The following OPCML variants were observed in gnomAD, a reference collection of about 807,000 sequenced individuals.
OPCML encodes the protein opioid binding protein/cell adhesion molecule like.
In OPCML, 13 loss-of-function variants were observed where a neutral mutation model predicts 37.8. The ratio of observed to expected loss-of-function variants is 0.34; its 90% confidence interval spans 0.22 to 0.55. The LOEUF is 0.55. Among genes scored for constraint, OPCML ranks in the 20% least tolerant of loss-of-function variants. The pLI, the probability that OPCML is intolerant of heterozygous loss-of-function variation, is 0.91. For synonymous variants in OPCML, 176 were observed against 168.8 expected (o/e 1.04, Z -0.33); for missense variants, 341 against 435.6 (o/e 0.78, Z 1.93).
chr11:132,979,870 A>G (rs1946546307), intron 1 of OPCML, among the ~76,000 whole-genome samples: 2 of 152,150 alleles, frequency 1.3e-5, no homozygotes, highest in African/African-American at 4.8e-5. Context: ...GGGGATTATA[A>G]AGGCAGGAGG....
chr11:132,586,401 C>A (rs2096472728), intron 3 of OPCML, among the ~76,000 whole-genome samples: 1 of 152,136 alleles, frequency 6.6e-6, no homozygotes, highest in Non-Finnish European at 1.5e-5. Flanking sequence ...CAAACTTAAC[C>A]AAATAGTAAC....
intron 1 of OPCML, chr11:133,420,554 T>C: frequency 1.0e-6 from 1 of 983,672 alleles, no homozygotes; most frequent in East Asian, 1.1e-4. Flanking sequence ...GCAAACATCA[T>C]TAACATGCTA....
At chr11:133,230,166 T>C (rs751275629) in intron 1 of OPCML, among the ~76,000 whole-genome samples, 53 of 152,216 alleles carry the variant, frequency 3.5e-4, no homozygotes, top group Non-Finnish European at 8.8e-5. Flanking sequence ...TTGGTGATAC[T>C]TGTTGAATGA....
intron 1 of OPCML, among the ~76,000 whole-genome samples, chr11:133,335,476 C>A (rs748712749): frequency 6.6e-6 from 1 of 152,072 alleles, no homozygotes; most frequent in African/African-American, 2.4e-5. Context: ...ATGAAGTCAG[C>A]GCCTCTCCTG....
At chr11:132,588,987 T>C (rs1210495672) in intron 3 of OPCML, among the ~76,000 whole-genome samples, 2 of 152,210 alleles carry the variant, frequency 1.3e-5, no homozygotes, top group African/African-American at 2.4e-5. Context: ...ACCTTCATTA[T>C]GTTGAGTCTC....
chr11:133,428,362 C>T (rs781113204), intron 1 of OPCML, among the ~76,000 whole-genome samples: 4 of 152,138 alleles, frequency 2.6e-5, no homozygotes, highest in Non-Finnish European at 5.9e-5. Flanking sequence ...CCATTCAATA[C>T]TCTGCAGAAG....
chr11:132,649,487 C>G (rs1267964094), intron 3 of OPCML, among the ~76,000 whole-genome samples: 1 of 152,140 alleles, frequency 6.6e-6, no homozygotes, highest in Non-Finnish European at 1.5e-5. Flanking sequence ...TGCTCTAACC[C>G]TGAGCGCAGG....
At chr11:132,505,531 G>T (rs1246456445) in intron 4 of OPCML, among the ~76,000 whole-genome samples, 3 of 152,204 alleles carry the variant, frequency 2.0e-5, no homozygotes, top group African/African-American at 4.8e-5. Context: ...AGATGGAAAA[G>T]AATGACATAG....
intron 2 of OPCML, among the ~76,000 whole-genome samples, chr11:132,870,399 A>G (rs1402633725): frequency 1.3e-5 from 2 of 152,192 alleles, no homozygotes; most frequent in East Asian, 3.8e-4. Context: ...ACGCTTGCAC[A>G]TGGTTGGTGG....
At chr11:133,169,270 T>C (rs759701295) in intron 1 of OPCML, among the ~76,000 whole-genome samples, 17 of 152,232 alleles carry the variant, frequency 1.1e-4, no homozygotes, top group Non-Finnish European at 2.5e-4. Context: ...CATTTGAACT[T>C]AACCTGGCTG....
intron 2 of OPCML, among the ~76,000 whole-genome samples, chr11:132,682,456 AG>A (rs1942990103): frequency 6.6e-6 from 1 of 152,226 alleles, no homozygotes; most frequent in African/African-American, 2.4e-5. Flanking sequence ...AGATGCTAAA[AG>A]GGGGCCAGCC....
intron 2 of OPCML, among the ~76,000 whole-genome samples, chr11:132,795,384 A>G (rs1289521501): frequency 2.6e-5 from 4 of 152,340 alleles, no homozygotes; most frequent in Admixed American, 1.3e-4. Flanking sequence ...TTACCCATTC[A>G]AAGAGTATAA....
chr11:132,807,125 G>T (rs1939063445), intron 2 of OPCML, among the ~76,000 whole-genome samples: 1 of 152,006 alleles, frequency 6.6e-6, no homozygotes, highest in South Asian at 2.1e-4. Context: ...AGATAAAGAA[G>T]AAAAATCTAA....
At chr11:132,802,440 C>A (rs1309757239) in intron 2 of OPCML, among the ~76,000 whole-genome samples, 3 of 152,152 alleles carry the variant, frequency 2.0e-5, no homozygotes, top group Non-Finnish European at 4.4e-5. Flanking sequence ...TGCTCACTAG[C>A]CTTCTGGTAC....
chr11:133,454,967 G>A (rs1007458673), intron 1 of OPCML, among the ~76,000 whole-genome samples: 2 of 152,074 alleles, frequency 1.3e-5, no homozygotes, highest in African/African-American at 4.8e-5. Context: ...CAAGTATGTG[G>A]GATTCACCTT....
At chr11:133,125,861 A>G (rs182427654) in intron 1 of OPCML, among the ~76,000 whole-genome samples, 11,325 of 139,658 alleles carry the variant, frequency 0.081, 828 homozygotes, top group African/African-American at 0.12. Context: ...TAGTATATAC[A>G]CATGTATATA....
intron 1 of OPCML, among the ~76,000 whole-genome samples, chr11:133,074,328 C>T (rs1316642324): frequency 6.6e-6 from 1 of 152,200 alleles, no homozygotes; most frequent in African/African-American, 2.4e-5. Flanking sequence ...TTCTAAAGTC[C>T]TTCCCAAGTA....
intron 2 of OPCML, among the ~76,000 whole-genome samples, chr11:132,854,927 T>G (rs573282805): frequency 6.6e-6 from 1 of 152,348 alleles, no homozygotes; most frequent in South Asian, 2.1e-4. Flanking sequence ...TTCCTAGGTG[T>G]AGGCCAAGCT....
chr11:132,850,210 G>A (rs1941742363), intron 2 of OPCML, among the ~76,000 whole-genome samples: 1 of 152,144 alleles, frequency 6.6e-6, no homozygotes, highest in Non-Finnish European at 1.5e-5. Context: ...ATCAGGATGT[G>A]CATCTCATGG....
Sources: allele counts gnomAD v4.1 joint callset (sites outside exome capture counted in the v4.1 genomes callset), GRCh38; gene constraint gnomAD v4.1.1; transcripts MANE v1.5; gene names NCBI Gene and HGNC (gene_info 2026-07-23, HGNC 2026-07-21).